SCN9A: variants seen among roughly 807,000 people sequenced by gnomAD.
SCN9A encodes sodium channel protein type 9 subunit alpha.
Under a neutral mutation model 187.0 loss-of-function variants are expected in SCN9A, and 131 were observed. The ratio of observed to expected loss-of-function variants is 0.70; its 90% CI spans 0.61 to 0.81. The LOEUF (loss-of-function observed/expected upper bound fraction) is 0.81, where lower values mean the gene tolerates loss of function less well. Ranked by LOEUF, SCN9A falls within the 30% of genes least tolerant of loss-of-function variation. The pLI is 0.00. For synonymous variants in SCN9A, 809 were observed against 808.6 expected (o/e 1.00, Z -0.01); for missense variants, 2,252 against 2,396.6 (o/e 0.94, Z 1.26).
At chr2:166,294,971 A>G (rs1246422981) in intron 7 of SCN9A, among the ~76,000 whole-genome samples, 1 of 152,234 alleles carries the variant, frequency 6.6e-6, no homozygotes, top group East Asian at 1.9e-4. Context: ...ATAAATAAAT[A>G]TACAAGATAT....
At chr2:166,375,326 C>G (rs1389431594) in intron 1 of SCN9A, among the ~76,000 whole-genome samples, 1 of 152,130 alleles carries the variant, frequency 6.6e-6, no homozygotes, top group Non-Finnish European at 1.5e-5. Flanking sequence ...AAAATGTGAG[C>G]TGCCCCTTGA....
chr2:166,305,711 CCAGAGGTTTGCTGTTATTGGAA>C, intron 5 of SCN9A, 59 bp downstream of exon 5: 1 of 1,572,436 alleles, frequency 6.4e-7, no homozygotes, highest in Middle Eastern at 1.7e-4. Flanking sequence ...AAATCAGACC[CCAGAGGTTTGCTGTTATTGGAA>C]CACTGTGCTG....
At chr2:166,252,484 C>T (rs553224312) in intron 17 of SCN9A, among the ~76,000 whole-genome samples, 23 of 152,006 alleles carry the variant, frequency 1.5e-4, no homozygotes, top group Admixed American at 6.6e-4. Context: ...AAATCAAATA[C>T]GGTTTTGAAA....
At chr2:166,228,141 T>C (rs950224733) in intron 22 of SCN9A, among the ~76,000 whole-genome samples, 1 of 151,732 alleles carries the variant, frequency 6.6e-6, no homozygotes, top group Non-Finnish European at 1.5e-5. Flanking sequence ...TGGTGCAAGA[T>C]GGGAGTCCAC....
chr2:166,201,277 T>C (rs1294663327), intron 26 of SCN9A, among the ~76,000 whole-genome samples: 3 of 142,036 alleles, frequency 2.1e-5, no homozygotes, highest in Non-Finnish European at 4.5e-5. Flanking sequence ...ATACATATAC[T>C]ATACATATAC....
chr2:166,252,639 C>T (rs73019681), intron 17 of SCN9A, among the ~76,000 whole-genome samples: 1,870 of 151,606 alleles, frequency 0.012, 42 homozygotes, highest in African/African-American at 0.042. Context: ...AAACAAAGAT[C>T]GAAGAAAATT....
chr2:166,247,980 C>T (rs1011809925), intron 18 of SCN9A, among the ~76,000 whole-genome samples: 2 of 152,002 alleles, frequency 1.3e-5, no homozygotes, highest in African/African-American at 4.8e-5. Flanking sequence ...AGCTAAGGAA[C>T]AACCTTGCAT....
intron 1 of SCN9A, among the ~76,000 whole-genome samples, chr2:166,350,107 A>G (rs1466115169): frequency 6.6e-6 from 1 of 152,230 alleles, no homozygotes; most frequent in African/African-American, 2.4e-5. Flanking sequence ...TAATTAAAGT[A>G]TCTCTGGGCA....
At chr2:166,288,112 T>C (rs199902717) in intron 10 of SCN9A, among the ~76,000 whole-genome samples, 9,499 of 113,928 alleles carry the variant, frequency 0.083, 464 homozygotes, top group East Asian at 0.18. Context: ...TATATATATA[T>C]ATATATATAC....
intron 24 of SCN9A, 198 bp from the exon 25 acceptor site, chr2:166,204,662 G>A (rs41268667): frequency 0.027 from 9,236 of 340,198 alleles, 165 homozygotes; most frequent in Middle Eastern, 0.04. Flanking sequence ...ACAGTTAAAT[G>A]TGCATATATA....
chr2:166,218,958 T>A (rs1694459974), intron 24 of SCN9A, among the ~76,000 whole-genome samples: 1 of 152,000 alleles, frequency 6.6e-6, no homozygotes, highest in African/African-American at 2.4e-5. Context: ...AACAAGCATA[T>A]GAAAAAAAGC....
intron 1 of SCN9A, among the ~76,000 whole-genome samples, chr2:166,362,939 A>T (rs1375833268): frequency 6.6e-6 from 1 of 151,842 alleles, no homozygotes; most frequent in Non-Finnish European, 1.5e-5. Flanking sequence ...GAAAATGCAA[A>T]ATTTACTTAG....
chr2:166,254,822 C>T (rs4477933), intron 17 of SCN9A, among the ~76,000 whole-genome samples: 122,414 of 150,976 alleles, frequency 0.81, 50,057 homozygotes, highest in Non-Finnish European at 0.85. Context: ...CAATTTTTTT[C>T]ATCATTGGCA....
In SCN9A at chr2:166,351,571, T is replaced by G. The variant is rs557535791; in HGVS notation, c.-51+24126A>C. 2.6e-5 allele frequency among the ~76,000 whole-genome samples: 4 copies of G among 152,300 alleles called. No homozygotes were observed. In the South Asian group the frequency reaches 8.3e-4, roughly 32 times the overall value. ...CTCTGGTTCAGCTGAGCACTCTGATTACATTTCCTGACTTTGTGGTTTCAG... is the reference window on the plus strand; with the variant it reads ...CTCTGGTTCAGCTGAGCACTCTGATGACATTTCCTGACTTTGTGGTTTCAG... On this transcript the variant is annotated intron_variant, in intron 1 of 26. Transcript: ENST00000642356.
At chr2:166,282,708 G>A (rs952660105) in intron 12 of SCN9A, among the ~76,000 whole-genome samples, 17 of 152,138 alleles carry the variant, frequency 1.1e-4, no homozygotes, top group South Asian at 1.0e-3. Context: ...AGTTGTATAG[G>A]TATAGTCATG....
chr2:166,218,427 A>C (rs1694434335), intron 24 of SCN9A, among the ~76,000 whole-genome samples: 1 of 150,964 alleles, frequency 6.6e-6, no homozygotes, highest in South Asian at 2.1e-4. Flanking sequence ...TAAATAAATA[A>C]AAAATAAAAA....
At chr2:166,202,297 T>C (rs998819482) in intron 26 of SCN9A, among the ~76,000 whole-genome samples, 1 of 150,826 alleles carries the variant, frequency 6.6e-6, no homozygotes, top group Non-Finnish European at 1.5e-5. Context: ...TACTAGAATC[T>C]TTTTTTTTAA....
chr2:166,249,850 A>T (rs1695959217), intron 18 of SCN9A, among the ~76,000 whole-genome samples: 1 of 152,140 alleles, frequency 6.6e-6, no homozygotes, highest in Admixed American at 6.6e-5. Context: ...TAGTTATCCT[A>T]GAATTTTAAG....
intron 24 of SCN9A, among the ~76,000 whole-genome samples, chr2:166,214,616 G>A (rs909074248): frequency 7.5e-6 from 1 of 134,134 alleles, no homozygotes; most frequent in Non-Finnish European, 1.5e-5. Flanking sequence ...CCGGGTTCAT[G>A]CCATTCTCCT....
Sources: gnomAD v4.1 joint callset for allele counts (sites outside exome capture counted in the v4.1 genomes callset) on GRCh38, gnomAD v4.1.1 for gene constraint, MANE v1.5 for transcripts, NCBI Gene and HGNC (gene_info 2026-07-23, HGNC 2026-07-21) for gene names.